The following EGLN1 variants were observed in gnomAD, a reference collection of about 807,000 sequenced individuals.
EGLN1 encodes the protein egl-9 family hypoxia inducible factor 1.
Under a neutral mutation model 38.3 loss-of-function variants are expected in EGLN1, and 17 were observed. The ratio of observed to expected loss-of-function variants is 0.44; its 90% confidence interval spans 0.30 to 0.67. EGLN1 has a LOEUF of 0.67. EGLN1 is among the 30% of genes least tolerant of loss of function. The probability of loss-of-function intolerance (pLI) is 0.08; values close to 1 mark genes in which losing one functional copy is unlikely to be tolerated. For missense variants in EGLN1, 477 were observed against 603.3 expected (o/e 0.79, Z 2.19); for synonymous variants, 283 against 257.5 (o/e 1.10, Z -0.95).
intron 1 of EGLN1, among the ~76,000 whole-genome samples, chr1:231,390,073 ACTT>A (rs755391543): frequency 4.6e-5 from 7 of 152,166 alleles, no homozygotes; most frequent in Non-Finnish European, 7.3e-5. Context: ...AAATTATTCA[ACTT>A]CTCTGTACCT....
In EGLN1 at chr1:231,421,909, C is replaced by A; in HGVS notation, c.-21G>T. ...GCCATGGCGGCGGCGGCGGCGGCGA[C>A]GGCGACTGCGGCGGCCGAGCAGGAG... On this transcript the variant is annotated 5_prime_UTR_variant, in exon 1 of 5. Coordinates refer to ENST00000366641, the MANE Select transcript of EGLN1 (RefSeq NM_022051.3). The surrounding 1 kb of genome is among the most constrained non-coding windows in gnomAD (Gnocchi z 5.5). The A allele has an allele frequency of 7.2e-7, 1 of 1,384,684 alleles. No individual in the cohort carries two copies. The highest frequency in any genetic ancestry group is 9.3e-7 in the Non-Finnish European group (1 of 1,079,706). 85.8% of individuals were successfully genotyped at this position (1,384,684 alleles called of 1,614,324 possible). A position where few individuals can be genotyped will look rare whatever the true frequency, so the allele number is the denominator to read the frequency against.
In EGLN1 at chr1:231,421,864, C is replaced by G. The variant is rs762808532; in HGVS notation, c.25G>C (p.Gly9Arg). The G allele has an allele frequency of 2.7e-6, 4 of 1,486,360 alleles. No individual in the cohort carries two copies. The South Asian group carries it at 5.0e-5, about 19-fold the overall frequency. The allele number at this position is 1,486,360 out of a possible 1,614,324, so 92.1% of individuals were successfully genotyped here. A position where few individuals can be genotyped will look rare whatever the true frequency, so the allele number is the denominator to read the frequency against. The change falls in exon 1 of 5, where the codon GGC (glycine) becomes CGC (arginine). Residue 9 changes from glycine (G) to arginine (R), a missense_variant. Gly to Arg is a moderately radical substitution (Grantham distance 125, BLOSUM62 -2). Around this residue, in one of 4 missense-constraint regions of EGLN1, gnomAD observed 298 missense variants for 288.9 expected, o/e 1.03. Coordinates refer to ENST00000366641, the MANE Select transcript of EGLN1 (RefSeq NM_022051.3). The surrounding 1 kb of genome is among the most constrained non-coding windows in gnomAD (Gnocchi z 5.5). MANDSGGP[G>R]GPSPSERDRQ... Reference sequence around the variant, plus strand: ...TCTCGCTCGCTCGGGCTCGGCCCGCCGGGCCCGCCGCTGTCATTGGCCATG... The same window carrying G: ...TCTCGCTCGCTCGGGCTCGGCCCGCGGGGCCCGCCGCTGTCATTGGCCATG...
chr1:231,406,895 A>T (rs1459502402), intron 1 of EGLN1, among the ~76,000 whole-genome samples: 1 of 152,118 alleles, frequency 6.6e-6, no homozygotes, highest in African/African-American at 2.4e-5. Flanking sequence ...GTGTTATTTT[A>T]TTATCACACA....
intron 1 of EGLN1, among the ~76,000 whole-genome samples, chr1:231,407,250 T>C (rs1688823843): frequency 1.3e-5 from 2 of 152,338 alleles, no homozygotes; most frequent in Admixed American, 6.5e-5. Context: ...TTCTCCCACG[T>C]TGATTAAATC....
chr1:231,384,512 T>A (rs1688148706), intron 1 of EGLN1, among the ~76,000 whole-genome samples: 1 of 151,914 alleles, frequency 6.6e-6, no homozygotes, highest in Non-Finnish European at 1.5e-5. Context: ...AAGAAATGAA[T>A]GTTCCAGGCA....
intron 1 of EGLN1, among the ~76,000 whole-genome samples, chr1:231,414,349 A>G (rs1689022899): frequency 2.0e-5 from 3 of 152,216 alleles, no homozygotes; most frequent in Non-Finnish European, 4.4e-5. Flanking sequence ...GACAACATCA[A>G]TCCAAAGGCA....
intron 4 of EGLN1, 92 bp from the exon 5 acceptor site, chr1:231,366,567 A>G: frequency 8.1e-7 from 1 of 1,238,912 alleles, no homozygotes; most frequent in Non-Finnish European, 1.2e-6. Flanking sequence ...AAGAGTATGG[A>G]CAATATTTCA....
Position 231,416,080 on chromosome 1 carries a change from C to T in EGLN1, c.891+4918G>A, listed in dbSNP as rs568744911. On this transcript the variant is annotated intron_variant, in intron 1 of 4. Transcript: ENST00000366641. Reference sequence around the variant, plus strand: ...GTTGGCCAGGATGGTCTCAATCCCTCGACCTTGTGATCCACCCGCCTCAGC... The same window carrying T: ...GTTGGCCAGGATGGTCTCAATCCCTTGACCTTGTGATCCACCCGCCTCAGC... Among the ~76,000 whole-genome samples, 5 of 152,162 alleles carry T rather than the reference C, an allele frequency of 3.3e-5. No homozygotes were observed. The East Asian group carries it at 9.7e-4, about 29-fold the overall frequency.
At position 231,367,471 on chromosome 1, in the gene EGLN1, C is replaced by G. The variant is rs1350878338; in HGVS notation, c.1216+98G>C. 3 of 1,182,720 alleles carry G rather than the reference C, an allele frequency of 2.5e-6. No individual in the cohort carries two copies. In the Admixed American group the frequency reaches 5.1e-5, roughly 20 times the overall value. The allele number at this position is 1,182,720 out of a possible 1,614,324, so 73.3% of individuals were successfully genotyped here. A position where few individuals can be genotyped will look rare whatever the true frequency, so the allele number is the denominator to read the frequency against. Reference sequence around the variant, plus strand: ...TGATAAAAAACAAAAAGTAAGTATTCATGGTGTTAACAAAGACTATGCTTG... The same window carrying G: ...TGATAAAAAACAAAAAGTAAGTATTGATGGTGTTAACAAAGACTATGCTTG... On this transcript the variant is annotated intron_variant, in intron 4 of 4. Transcript: ENST00000366641.
intron 3 of EGLN1, among the ~76,000 whole-genome samples, chr1:231,369,129 A>C (rs1687745831): frequency 6.6e-6 from 1 of 152,050 alleles, no homozygotes; most frequent in Non-Finnish European, 1.5e-5. Context: ...TTTTCGTCGC[A>C]TGATTTTCCA....
chr1:231,394,097 A>G (rs995446394), intron 1 of EGLN1, among the ~76,000 whole-genome samples: 3 of 152,168 alleles, frequency 2.0e-5, no homozygotes, highest in Non-Finnish European at 4.4e-5. Context: ...CATATTCAGG[A>G]TAGATTTTTG....
At chr1:231,367,430 A>T in intron 4 of EGLN1, 139 bp downstream of exon 4, 1 of 888,600 alleles carries the variant, frequency 1.1e-6, no homozygotes, top group Non-Finnish European at 1.8e-6. Flanking sequence ...TTAAAAAATG[A>T]GGCAAATAAG....
At chr1:231,403,767 CAAAAAAAAAAA>C (rs1167705317) in intron 1 of EGLN1, among the ~76,000 whole-genome samples, 28 of 18,304 alleles carry the variant, frequency 1.5e-3, no homozygotes, top group African/African-American at 3.3e-3. Context: ...GACTCCATCT[CAAAAAAAAAAA>C]AAAAAAAAAA....
At chr1:231,416,377 T>C (rs1689082902) in intron 1 of EGLN1, among the ~76,000 whole-genome samples, 1 of 151,920 alleles carries the variant, frequency 6.6e-6, no homozygotes, top group Admixed American at 6.6e-5. Context: ...GATTTGTGGG[T>C]ATTTTTGTGG....
At chr1:231,413,858 AAG>A (rs1338809547) in intron 1 of EGLN1, among the ~76,000 whole-genome samples, 1 of 150,192 alleles carries the variant, frequency 6.7e-6, no homozygotes, top group Admixed American at 6.6e-5. Context: ...AATAAGAAAA[AAG>A]AGAATTCCAA....
intron 1 of EGLN1, among the ~76,000 whole-genome samples, chr1:231,398,995 CTGATAT>C (rs1688600256): frequency 6.6e-6 from 1 of 152,132 alleles, no homozygotes; most frequent in Non-Finnish European, 1.5e-5. Context: ...TAGGATTAGT[CTGATAT>C]TAAGTGTGAA....
At chr1:231,398,667 A>G (rs945593513) in intron 1 of EGLN1, among the ~76,000 whole-genome samples, 1 of 152,224 alleles carries the variant, frequency 6.6e-6, no homozygotes, top group African/African-American at 2.4e-5. Flanking sequence ...GATGGATCTG[A>G]TAAGAGAGAA....
Position 231,370,610 on chromosome 1 carries a change from CA to C in EGLN1, c.1099del (p.Trp367GlyfsTer20), listed in dbSNP as rs754085768. ...TTCATGAGGGTTGCGACGGTCAGAC[CA>C]GAAAAACAGCAGTCTATCAAATTTG... ...EPKFDRLLFF[W>X]SDRRNPHEVQ... On this transcript the variant is annotated frameshift_variant, in exon 3 of 5. Transcript: ENST00000366641. LOFTEE classifies it high-confidence loss of function. 1 of 1,614,070 alleles carries C rather than the reference CA, an allele frequency of 6.2e-7. No individual in the cohort carries two copies.
At position 231,378,762 on chromosome 1, in the gene EGLN1, G is replaced by A. The variant is rs146578688; in HGVS notation, c.892-4663C>T. On this transcript the variant is annotated intron_variant, in intron 1 of 4. Transcript: ENST00000366641. ...ACCAGGAAACTTATTTTTCTTTTTT[G>A]AGCTGAATTATTTTAAAACAGGGAT... 7.3e-3 allele frequency among the ~76,000 whole-genome samples: 1,110 copies of A among 151,676 alleles called. 8 individuals carry two copies. The highest frequency in any genetic ancestry group is 0.011 in the South Asian group (52 of 4,796).
Sources: gnomAD v4.1 joint callset for allele counts (sites outside exome capture counted in the v4.1 genomes callset) on GRCh38, gnomAD v4.1.1 for gene constraint, gnomAD v4.1.1 regional missense constraint, Gnocchi (gnomAD v3.1) non-coding constraint, MANE v1.5 for transcripts, NCBI Gene and HGNC (gene_info 2026-07-23, HGNC 2026-07-21) for gene names.